The following EPHA6 variants were observed in gnomAD, a reference collection of about 807,000 sequenced individuals.
EPHA6 encodes EPH receptor A6, also known as ephrin type-A receptor 6.
In EPHA6, 50 loss-of-function variants were observed where a neutral mutation model predicts 112.0. The observed-to-expected ratio is 0.45, with a 90% CI of 0.36 to 0.56. The LOEUF is 0.56. Ranked by LOEUF, EPHA6 falls within the 20% of genes least tolerant of loss-of-function variation. EPHA6 has a pLI of 0.00. For missense variants in EPHA6, 1,280 were observed against 1,417.4 expected (o/e 0.90, Z 1.56); for synonymous variants, 529 against 490.7 (o/e 1.08, Z -1.03).
At chr3:97,611,699 A>T (rs1367871385) in intron 13 of EPHA6, among the ~76,000 whole-genome samples, 1 of 151,862 alleles carries the variant, frequency 6.6e-6, no homozygotes, top group African/African-American at 2.4e-5. Context: ...ATCTATATAT[A>T]TATAACTATT....
intron 6 of EPHA6, among the ~76,000 whole-genome samples, chr3:97,429,062 G>C (rs1189460949): frequency 6.6e-6 from 1 of 151,926 alleles, no homozygotes; most frequent in Non-Finnish European, 1.5e-5. Context: ...TTAAGGGTTG[G>C]CTCCCAAGAA....
intron 14 of EPHA6, among the ~76,000 whole-genome samples, chr3:97,692,431 G>A (rs2032730665): frequency 6.6e-6 from 1 of 152,050 alleles, no homozygotes; most frequent in Non-Finnish European, 1.5e-5. Context: ...GAAAAACAAG[G>A]TTTTGTTTTA....
chr3:97,532,753 A>G (rs1364001343), intron 11 of EPHA6, among the ~76,000 whole-genome samples: 1 of 152,016 alleles, frequency 6.6e-6, no homozygotes, highest in Admixed American at 6.6e-5. Context: ...TTACCTGCAA[A>G]TCATTCCTAA....
chr3:97,144,703 G>C (rs1404725317), intron 3 of EPHA6, among the ~76,000 whole-genome samples: 7 of 150,828 alleles, frequency 4.6e-5, no homozygotes, highest in Admixed American at 4.6e-4. Flanking sequence ...GTCTTTCTTA[G>C]TGTGCTTAAT....
At chr3:96,915,021 A>ATTTTTTTTTTTTTTTTTTTT (rs1559827317) in intron 2 of EPHA6, among the ~76,000 whole-genome samples, 1 of 151,624 alleles carries the variant, frequency 6.6e-6, no homozygotes, top group African/African-American at 2.4e-5. Context: ...CTGTGATATT[A>ATTTTTTTTTTTTTTTTTTTT]TTATTTAATA....
intron 3 of EPHA6, among the ~76,000 whole-genome samples, chr3:97,000,333 A>G (rs1474573904): frequency 1.3e-5 from 2 of 148,518 alleles, no homozygotes; most frequent in African/African-American, 2.5e-5. Context: ...ATAGCCATAT[A>G]TATGTATACA....
At chr3:97,240,580 C>A (rs2078816259) in intron 4 of EPHA6, among the ~76,000 whole-genome samples, 1 of 151,664 alleles carries the variant, frequency 6.6e-6, no homozygotes, top group African/African-American at 2.4e-5. Flanking sequence ...ATGAAAAATC[C>A]CCCTGTTTGT....
At chr3:96,953,864 A>T (rs2041652625) in intron 2 of EPHA6, among the ~76,000 whole-genome samples, 1 of 150,904 alleles carries the variant, frequency 6.6e-6, no homozygotes. Flanking sequence ...TTTCCCCTGG[A>T]CTATTTCAAT....
intron 5 of EPHA6, among the ~76,000 whole-genome samples, chr3:97,336,191 G>T (rs930587421): frequency 2.6e-5 from 4 of 152,080 alleles, no homozygotes; most frequent in Admixed American, 6.6e-5. Flanking sequence ...GTAGAAAGGG[G>T]GTTTGGTTTG....
In EPHA6 at chr3:97,753,909, TG is replaced by T. The variant is rs2035959877; in HGVS notation, c.*5209del. 6.6e-6 allele frequency among the ~76,000 whole-genome samples: 1 copy of T among 152,040 alleles called. No homozygotes were observed. The highest frequency in any genetic ancestry group is 1.5e-5 in the Non-Finnish European group (1 of 67,998). ...TCTCAGGATAAAAATTAACTTTTTT[TG>T]TTATAAGTGGATGTGGCATAATGTA... On this transcript the variant is annotated 3_prime_UTR_variant, in exon 18 of 18. Coordinates refer to ENST00000389672, the MANE Select transcript of EPHA6 (RefSeq NM_001080448.3).
At chr3:97,094,997 T>C (rs1476517139) in intron 3 of EPHA6, among the ~76,000 whole-genome samples, 1 of 152,052 alleles carries the variant, frequency 6.6e-6, no homozygotes, top group Non-Finnish European at 1.5e-5. Flanking sequence ...TTCTTATCTT[T>C]AAGATGGAGA....
chr3:96,898,286 C>T (rs2038392044), intron 2 of EPHA6, among the ~76,000 whole-genome samples: 1 of 152,126 alleles, frequency 6.6e-6, no homozygotes, highest in South Asian at 2.1e-4. Flanking sequence ...CTAGTATTTG[C>T]AGTGTGACTT....
At chr3:97,736,424 T>G (rs2035253852) in intron 16 of EPHA6, among the ~76,000 whole-genome samples, 1 of 150,778 alleles carries the variant, frequency 6.6e-6, no homozygotes, top group South Asian at 2.1e-4. Context: ...TAAAATTGAT[T>G]GATCCTTCCT....
intron 13 of EPHA6, among the ~76,000 whole-genome samples, chr3:97,635,629 G>T (rs1011427919): frequency 3.9e-5 from 6 of 152,156 alleles, no homozygotes; most frequent in Admixed American, 2.0e-4. Context: ...ACTACTGGTT[G>T]CCCGGGGTGG....
chr3:97,753,577 A>G lies in EPHA6; in HGVS notation c.*4876A>G, dbSNP rs2035951153. 6.6e-6 allele frequency among the ~76,000 whole-genome samples: 1 copy of G among 152,176 alleles called. No individual in the cohort carries two copies. The highest frequency in any genetic ancestry group is 1.5e-5 in the Non-Finnish European group (1 of 68,026). On this transcript the variant is annotated 3_prime_UTR_variant, in exon 18 of 18. Transcript: ENST00000389672. ...TGATAGCATAGCTATCAGTTCGTAT[A>G]TGGATTCACTACCTCAAAGGTGCCT...
intron 6 of EPHA6, among the ~76,000 whole-genome samples, chr3:97,410,151 A>T (rs981506906): frequency 2.0e-5 from 3 of 152,044 alleles, no homozygotes; most frequent in African/African-American, 4.8e-5. Flanking sequence ...ACTCCTCAAT[A>T]TCACACTTTG....
chr3:97,354,114 G>A (rs186896843), intron 5 of EPHA6, among the ~76,000 whole-genome samples: 380 of 152,226 alleles, frequency 2.5e-3, no homozygotes, highest in South Asian at 0.011. Context: ...AGTAACCAAA[G>A]ATTTAGATCA....
At chr3:97,124,466 A>T (rs1331849707) in intron 3 of EPHA6, among the ~76,000 whole-genome samples, 2 of 139,630 alleles carry the variant, frequency 1.4e-5, no homozygotes, top group Non-Finnish European at 3.0e-5. Context: ...CATTCTGTTT[A>T]AAAAAAGAAA....
In EPHA6 at chr3:96,889,335, C is replaced by A. The variant is rs145573164; in HGVS notation, c.450+22446C>A. 6.5e-3 allele frequency among the ~76,000 whole-genome samples: 982 copies of A among 152,192 alleles called. 7 individuals carry two copies. The highest frequency in any genetic ancestry group is 0.021 in the African/African-American group (889 of 41,524). Reference sequence around the variant, plus strand: ...ACCCCACTCTACAGGTATCAATTTACTGTATTAGTGCATTTTCCGACTGCT... The same window carrying A: ...ACCCCACTCTACAGGTATCAATTTAATGTATTAGTGCATTTTCCGACTGCT... On this transcript the variant is annotated intron_variant, in intron 2 of 17. Coordinates refer to ENST00000389672, the MANE Select transcript of EPHA6 (RefSeq NM_001080448.3).
Sources: allele counts gnomAD v4.1 joint callset (sites outside exome capture counted in the v4.1 genomes callset), GRCh38; gene constraint gnomAD v4.1.1; transcripts MANE v1.5; gene names NCBI Gene and HGNC (gene_info 2026-07-23, HGNC 2026-07-21).